FH: variants seen among roughly 807,000 people sequenced by gnomAD.
The protein encoded by FH is fumarate hydratase.
Under a neutral mutation model 49.4 loss-of-function variants are expected in FH, and 22 were observed. That is an observed-to-expected ratio of 0.45 (90% CI 0.32 to 0.64). FH has a LOEUF of 0.64. FH is among the 30% of genes least tolerant of loss of function. FH has a pLI of 0.05. For synonymous variants in FH, 208 were observed against 223.0 expected (o/e 0.93, Z 0.60); for missense variants, 526 against 641.5 (o/e 0.82, Z 1.95).
intron 2 of FH, among the ~76,000 whole-genome samples, chr1:241,514,284 C>G (rs1274909990): frequency 6.6e-6 from 1 of 152,114 alleles, no homozygotes; most frequent in Non-Finnish European, 1.5e-5. Flanking sequence ...GCTAGTAAAG[C>G]CTTAATACTC....
At chr1:241,510,933 T>C (rs1035161729) in intron 4 of FH, among the ~76,000 whole-genome samples, 1 of 152,182 alleles carries the variant, frequency 6.6e-6, no homozygotes, top group African/African-American at 2.4e-5. Context: ...GTTGCTATCA[T>C]GAACCCCTGA....
chr1:241,508,418 A>G (rs1173591873), intron 5 of FH, among the ~76,000 whole-genome samples, 185 bp downstream of exon 5: 1 of 152,222 alleles, frequency 6.6e-6, no homozygotes, highest in African/African-American at 2.4e-5. Flanking sequence ...ACTTATAGCC[A>G]GTATACTCTG....
intron 6 of FH, among the ~76,000 whole-genome samples, chr1:241,505,500 T>C (rs1166201811): frequency 6.6e-6 from 1 of 152,228 alleles, no homozygotes; most frequent in East Asian, 1.9e-4. Flanking sequence ...TAATGAGAGT[T>C]TTCTGAAGAT....
intron 9 of FH, 137 bp downstream of exon 9, chr1:241,500,300 A>T (rs1659737124): frequency 3.6e-6 from 3 of 837,876 alleles, no homozygotes; most frequent in Non-Finnish European, 5.9e-6. Context: ...ACACAATTTC[A>T]AATATTTTGA....
At position 241,517,123 on chromosome 1, in the gene FH, A is replaced by C. The variant is rs1050768800; in HGVS notation, c.267+59T>G. On this transcript the variant is annotated intron_variant, in intron 2 of 9. Transcript: ENST00000366560. The stretch of plus-strand genomic sequence containing the variant: ...TGAAAAATATTTATAAAGTAAAGTG[A>C]CTCATGAATACAGCCTACTTCATCC... The C allele has an allele frequency of 1.9e-6, 3 of 1,596,846 alleles. No individual in the cohort carries two copies. In the African/African-American group the frequency reaches 4.0e-5, roughly 21 times the overall value.
chr1:241,516,415 C>A (rs575023151), intron 2 of FH, among the ~76,000 whole-genome samples: 30 of 152,262 alleles, frequency 2.0e-4, no homozygotes, highest in African/African-American at 6.3e-4. Context: ...GAACAGAAAA[C>A]CAAACCCGCA....
chr1:241,508,592 A>T lies in FH; in HGVS notation c.738+11T>A. ...GCTCTAAATTGAATCAAATTAGTCA[A>T]ACTCCTATACCTGCCCAAGAGTAAG... On this transcript the variant is annotated intron_variant, in intron 5 of 9. Coordinates refer to ENST00000366560, the MANE Select transcript of FH (RefSeq NM_000143.4). The T allele has an allele frequency of 6.2e-7, 1 of 1,610,134 alleles. No homozygotes were observed. The highest frequency in any genetic ancestry group is 1.1e-5 in the South Asian group (1 of 91,014).
At chr1:241,504,369 GTTTACT>G in intron 6 of FH, 124 bp from the exon 7 acceptor site, 1 of 888,546 alleles carries the variant, frequency 1.1e-6, no homozygotes, top group Non-Finnish European at 1.8e-6. Context: ...AGAAAAAAAT[GTTTACT>G]TAAGACTCAA....
intron 1 of FH, 127 bp downstream of exon 1, chr1:241,519,464 A>G: frequency 8.5e-7 from 1 of 1,179,070 alleles, no homozygotes; most frequent in Non-Finnish European, 1.1e-6. Flanking sequence ...ACGGGCGCTA[A>G]GCCCAGAGTC....
intron 6 of FH, among the ~76,000 whole-genome samples, chr1:241,504,658 T>A (rs6689999): frequency 0.023 from 3,453 of 152,112 alleles, 48 homozygotes; most frequent in Non-Finnish European, 0.035. Flanking sequence ...CCCAGGCTGG[T>A]CTCAAACTCC....
intron 1 of FH, among the ~76,000 whole-genome samples, chr1:241,517,612 C>G (rs1348666460): frequency 6.6e-6 from 1 of 152,044 alleles, no homozygotes; most frequent in Non-Finnish European, 1.5e-5. Context: ...CAAGAGTATG[C>G]TTATTACTGG....
At chr1:241,507,759 G>A (rs1428640682) in intron 5 of FH, among the ~76,000 whole-genome samples, 1 of 152,174 alleles carries the variant, frequency 6.6e-6, no homozygotes, top group Non-Finnish European at 1.5e-5. Flanking sequence ...GATGCAAAGA[G>A]AAATGAGACA....
chr1:241,512,114 A>G lies in FH; in HGVS notation c.408T>C (p.Phe136=). Residue 136 remains phenylalanine, a synonymous_variant, in exon 4 of 10, where the codon TTT becomes TTC. Transcript: ENST00000366560. ...EVAEGKLNDH[F]PLVVWQTGSG... ...ATCCAGTCTGCCATACCACGAGAGGAAAATGATCATTTAATTTACCTTCAG... is the reference window on the plus strand; with the variant it reads ...ATCCAGTCTGCCATACCACGAGAGGGAAATGATCATTTAATTTACCTTCAG... 6.2e-7 allele frequency: 1 copy of G among 1,613,844 alleles called. No individual in the cohort carries two copies. Among genetic ancestry groups the G allele is most frequent in the Non-Finnish European group, 8.5e-7 (1 of 1,179,788 alleles).
At chr1:241,503,155 A>G (rs925701553) in intron 7 of FH, among the ~76,000 whole-genome samples, 2 of 152,210 alleles carry the variant, frequency 1.3e-5, no homozygotes, top group African/African-American at 2.4e-5. Context: ...ACACACTGGA[A>G]AGATTATTGG....
At position 241,517,562 on chromosome 1, in the gene FH, CAT is replaced by C. The variant is rs1660253339; in HGVS notation, c.133-248_133-247del. On this transcript the variant is annotated intron_variant, in intron 1 of 9. Coordinates refer to ENST00000366560, the MANE Select transcript of FH (RefSeq NM_000143.4). ...ACTAATATACTATGCTGGTGATAAA[CAT>C]AAAGACTTTGAAATACAAATAGTAA... is the stretch of plus-strand genomic sequence containing the variant. Among the ~76,000 whole-genome samples, 4 of 152,104 alleles carry C rather than the reference CAT, an allele frequency of 2.6e-5. No homozygotes were observed. The South Asian group carries it at 8.3e-4, about 31-fold the overall frequency.
At chr1:241,498,456 G>A (rs1659678477) in intron 9 of FH, among the ~76,000 whole-genome samples, 1 of 151,628 alleles carries the variant, frequency 6.6e-6, no homozygotes, top group South Asian at 2.1e-4. Context: ...GGCAGGCGCA[G>A]GCAGGGCCTG....
chr1:241,519,182 G>A (rs922868761), intron 1 of FH: 16 of 206,206 alleles, frequency 7.8e-5, no homozygotes, highest in Non-Finnish European at 1.4e-4. Flanking sequence ...GACGGTGCGG[G>A]AGCTGCCCCT....
At chr1:241,503,333 G>A (rs1046518399) in intron 7 of FH, among the ~76,000 whole-genome samples, 3 of 152,184 alleles carry the variant, frequency 2.0e-5, no homozygotes, top group African/African-American at 7.2e-5. Context: ...AAAATCTAGA[G>A]TCAGGCCTTT....
Position 241,509,089 on chromosome 1 carries a change from G to C in FH, c.556-304C>G, listed in dbSNP as rs556476663. ...TATAATATATTATGTATTATATTAT[G>C]TATTACGTATTATATCTGCCTGCTA... On this transcript the variant is annotated intron_variant, in intron 4 of 9. Transcript: ENST00000366560. Among the ~76,000 whole-genome samples, 3 of 149,120 alleles carry C rather than the reference G, an allele frequency of 2.0e-5. No individual in the cohort carries two copies. In the South Asian group the frequency reaches 6.3e-4, roughly 31 times the overall value.
Sources: allele counts gnomAD v4.1 joint callset (sites outside exome capture counted in the v4.1 genomes callset), GRCh38; gene constraint gnomAD v4.1.1; transcripts MANE v1.5; gene names NCBI Gene and HGNC (gene_info 2026-07-23, HGNC 2026-07-21).